Variants in GATAD2A observed in about 807,000 individuals in gnomAD.
GATAD2A encodes the protein transcriptional repressor p66-alpha.
In GATAD2A, 12 loss-of-function variants were observed where a neutral mutation model predicts 68.5. The observed-to-expected ratio is 0.18, with a 90% CI of 0.11 to 0.28. GATAD2A has a LOEUF of 0.28. Among genes scored for constraint, GATAD2A ranks in the 10% least tolerant of loss-of-function variants. The probability of loss-of-function intolerance (pLI) is 1.00; values close to 1 mark genes in which losing one functional copy is unlikely to be tolerated. For synonymous variants in GATAD2A, 410 were observed against 375.3 expected, an observed-to-expected ratio of 1.09 and a Z score of -1.07; for missense variants, 755 against 868.5, an observed-to-expected ratio of 0.87 and a Z score of 1.64.
At chr19:19,455,568 T>C (rs1446283376) in intron 1 of GATAD2A, among the ~76,000 whole-genome samples, 3 of 152,116 alleles carry the variant, frequency 2.0e-5, no homozygotes, top group African/African-American at 4.8e-5. Flanking sequence ...AATAAAACTA[T>C]AGTATAACAG....
At chr19:19,491,349 C>T (rs552070311) in intron 2 of GATAD2A, among the ~76,000 whole-genome samples, 13 of 152,152 alleles carry the variant, frequency 8.5e-5, no homozygotes, top group South Asian at 2.1e-4. Flanking sequence ...CGTGGGCCGA[C>T]GGTGAAAAGG....
At chr19:19,460,715 A>C (rs1231607497) in intron 1 of GATAD2A, among the ~76,000 whole-genome samples, 3 of 151,520 alleles carry the variant, frequency 2.0e-5, no homozygotes, top group African/African-American at 7.3e-5. Flanking sequence ...AAAGAAAGCA[A>C]CCCCCTCCGG....
intron 1 of GATAD2A, among the ~76,000 whole-genome samples, chr19:19,436,665 A>G (rs2054388659): frequency 6.6e-6 from 1 of 152,208 alleles, no homozygotes; most frequent in Non-Finnish European, 1.5e-5. Flanking sequence ...TGGCAAAGCT[A>G]AGCTGCCCCC....
rs2050167718 is a variant in GATAD2A, at chr19:19,405,891, C to T, written c.-135C>T. 1 of 146,084 alleles carries T rather than the reference C, an allele frequency of 6.8e-6. No individual in the cohort carries two copies. The highest frequency in any genetic ancestry group is 2.1e-4 in the South Asian group (1 of 4,808). 9.0% of individuals were successfully genotyped at this position (146,084 alleles called of 1,614,324 possible). A position where few individuals can be genotyped will look rare whatever the true frequency, so the allele number is the denominator to read the frequency against. On this transcript the variant is annotated 5_prime_UTR_variant, in exon 1 of 12. Transcript: ENST00000683918. ...GCGAGCGCCGCGGGCCCGGGCGGCC[C>T]CACAGGCGGAACGAGCGCGCGCGGC...
rs1166947313 is a variant in GATAD2A, at chr19:19,492,417, G to A, written c.381G>A (p.Glu127=). The A allele has an allele frequency of 5.0e-6, 8 of 1,613,820 alleles. No homozygotes were observed. Among genetic ancestry groups the A allele is most frequent in the Non-Finnish European group, 5.1e-6 (6 of 1,179,886 alleles). The change falls in exon 3 of 12, where the codon GAG becomes GAA. Residue 127 remains glutamate (E), a synonymous_variant. Coordinates refer to ENST00000683918, the MANE Select transcript of GATAD2A (RefSeq NM_001384528.1). ...GGCTGACCACGGTGGCCTTGAAGGA[G>A]ACTAGCACCGAGGCCCTCATGGTGA... ...VNGLTTVALK[E]TSTEALMKSS...
chr19:19,490,471 A>G (rs1342230219), intron 2 of GATAD2A, among the ~76,000 whole-genome samples: 3 of 152,106 alleles, frequency 2.0e-5, no homozygotes, highest in African/African-American at 7.2e-5. Flanking sequence ...CTAATTATCA[A>G]CTAGACCCTG....
At chr19:19,467,531 T>C (rs1187721052) in intron 2 of GATAD2A, among the ~76,000 whole-genome samples, 2 of 152,204 alleles carry the variant, frequency 1.3e-5, no homozygotes, top group African/African-American at 2.4e-5. Flanking sequence ...ACCTTTTATC[T>C]TCCTGCTTTC....
chr19:19,480,773 C>A (rs552956361), intron 2 of GATAD2A, among the ~76,000 whole-genome samples: 1 of 152,330 alleles, frequency 6.6e-6, no homozygotes, highest in Non-Finnish European at 1.5e-5. Context: ...TCACTTGTGG[C>A]CATTCTGCAC....
At chr19:19,492,476 G>T (rs948611589) in intron 3 of GATAD2A, 38 bp downstream of exon 3, 1 of 1,613,446 alleles carries the variant, frequency 6.2e-7, no homozygotes, top group South Asian at 1.1e-5. Context: ...GAGCCCCACT[G>T]TGCCCTTCCT....
chr19:19,482,356 A>G (rs2079552871), intron 2 of GATAD2A, among the ~76,000 whole-genome samples: 1 of 152,216 alleles, frequency 6.6e-6, no homozygotes, highest in Non-Finnish European at 1.5e-5. Context: ...GTGAGCCAAG[A>G]TCGCGCCACT....
chr19:19,386,129 A>G (rs932090621), exon 1 of GATAD2A: 1 of 152,242 alleles, frequency 6.6e-6, no homozygotes, highest in African/African-American at 2.4e-5. Context: ...GAGGGCGCCG[A>G]GCAACTTCGG....
In GATAD2A at chr19:19,394,659, C is replaced by G. The variant is rs1227330303; in HGVS notation, c.-7+8521C>G. Among the ~76,000 whole-genome samples the G allele has an allele frequency of 2.0e-5, 3 of 152,104 alleles. No individual in the cohort carries two copies. In the East Asian group the frequency reaches 5.8e-4, roughly 30 times the overall value. On this transcript the variant is annotated intron_variant, in intron 1 of 11. Coordinates refer to the GATAD2A transcript ENST00000360315. The stretch of plus-strand genomic sequence containing the variant: ...ACGGGGTTTCACTGTGTTGCCCAGG[C>G]TGGTCTTGAACTGAGCTCAGAAAAT...
chr19:19,505,906 T>G lies in GATAD2A; in HGVS notation c.*432T>G, dbSNP rs2060847352. On this transcript the variant is annotated 3_prime_UTR_variant, in exon 12 of 12. Transcript: ENST00000683918. ...TGAACCGAGCGGGGTGTTTCATTTT[T>G]TTGCTTTTCCCTGTCTTAGGCTCCC... The G allele has an allele frequency of 2.5e-6, 1 of 398,912 alleles. No individual in the cohort carries two copies. Among genetic ancestry groups the G allele is most frequent in the Non-Finnish European group, 4.4e-6 (1 of 226,346 alleles). The allele number at this position is 398,912 out of a possible 1,614,324, so 24.7% of individuals were successfully genotyped here. A position where few individuals can be genotyped will look rare whatever the true frequency, so the allele number is the denominator to read the frequency against.
intron 2 of GATAD2A, among the ~76,000 whole-genome samples, chr19:19,483,048 T>C (rs1261749902): frequency 6.6e-6 from 1 of 151,278 alleles, no homozygotes; most frequent in Non-Finnish European, 1.5e-5. Flanking sequence ...TCAGGGGCTG[T>C]TGCGTTCCTA....
chr19:19,498,386 G>A (rs1407082333), intron 7 of GATAD2A, 57 bp from the exon 8 acceptor site: 2 of 1,531,916 alleles, frequency 1.3e-6, no homozygotes, highest in Non-Finnish European at 1.8e-6. Context: ...GGGCGCTGGG[G>A]AGCCTTCCTC....
chr19:19,431,789 G>A lies in GATAD2A; in HGVS notation c.-7+25770G>A, dbSNP rs139466513. Among the ~76,000 whole-genome samples the A allele has an allele frequency of 2.6e-3, 390 of 151,974 alleles. 3 individuals carry two copies. The South Asian group carries it at 0.041, about 16-fold the overall frequency. On this transcript the variant is annotated intron_variant, in intron 1 of 11. Coordinates refer to ENST00000683918, the MANE Select transcript of GATAD2A (RefSeq NM_001384528.1). Reference sequence around the variant, plus strand: ...AATCGGGCATCAGGCAGATACCCCTGCCCTTGTGGTGTGTACGTTATTGCT... The same window carrying A: ...AATCGGGCATCAGGCAGATACCCCTACCCTTGTGGTGTGTACGTTATTGCT...
intron 5 of GATAD2A, among the ~76,000 whole-genome samples, 153 bp downstream of exon 5, chr19:19,494,536 G>C (rs1600283179): frequency 6.6e-6 from 1 of 152,202 alleles, no homozygotes; most frequent in Non-Finnish European, 1.5e-5. Context: ...CCAGCCCACA[G>C]CCTAGGGGAA....
chr19:19,412,333 A>G (rs1004468096), intron 1 of GATAD2A, among the ~76,000 whole-genome samples: 1 of 151,032 alleles, frequency 6.6e-6, no homozygotes, highest in African/African-American at 2.4e-5. Context: ...TTTTTTGTAT[A>G]TTTAGTAGAG....
intron 1 of GATAD2A, among the ~76,000 whole-genome samples, chr19:19,409,813 C>T (rs576527830): frequency 6.6e-6 from 1 of 152,314 alleles, no homozygotes; most frequent in Non-Finnish European, 1.5e-5. Context: ...CAAACAGGAT[C>T]TGGGACTTTT....
Sources: allele counts gnomAD v4.1 joint callset (sites outside exome capture counted in the v4.1 genomes callset), GRCh38; gene constraint gnomAD v4.1.1; transcripts MANE v1.5; gene names NCBI Gene and HGNC (gene_info 2026-07-23, HGNC 2026-07-21).